Variants in CLIP1 observed in about 807,000 individuals in gnomAD.
The protein encoded by CLIP1 is CAP-Gly domain containing linker protein 1.
CLIP1 carries 66 observed loss-of-function variants against 161.6 expected under a neutral mutation model. The ratio of observed to expected loss-of-function variants is 0.41; its 90% CI spans 0.33 to 0.50. CLIP1 has a LOEUF of 0.50. Among genes scored for constraint, CLIP1 ranks in the 20% least tolerant of loss-of-function variants. The probability of loss-of-function intolerance (pLI) is 0.27; values close to 1 mark genes in which losing one functional copy is unlikely to be tolerated. For synonymous variants in CLIP1, 598 were observed against 626.2 expected (o/e 0.96, Z 0.67); for missense variants, 1,376 against 1,702.0 (o/e 0.81, Z 3.37).
At chr12:122,422,149 C>T (rs1015704215) in intron 1 of CLIP1, among the ~76,000 whole-genome samples, 8 of 152,152 alleles carry the variant, frequency 5.3e-5, no homozygotes, top group African/African-American at 1.7e-4. Flanking sequence ...GCCGATCCCA[C>T]ATCCGCCCCG....
chr12:122,290,188 T>C (rs184304378), intron 20 of CLIP1, among the ~76,000 whole-genome samples: 32 of 152,326 alleles, frequency 2.1e-4, no homozygotes, highest in African/African-American at 7.7e-4. Context: ...CATGCTTTGC[T>C]ATGAGGTCTT....
At chr12:122,305,465 T>A (rs1175519650) in intron 20 of CLIP1, among the ~76,000 whole-genome samples, 1 of 152,200 alleles carries the variant, frequency 6.6e-6, no homozygotes, top group African/African-American at 2.4e-5. Context: ...ATAGTTTCCA[T>A]TAATCTTAAA....
rs1211435384 is a variant in CLIP1, at chr12:122,354,461, C to T, written c.1299G>A (p.Glu433=). The part of the protein sequence containing the change: ...EKVELLNQLE[E]EKRKVEDLQF... ...AAACAGTCTGGGGTCACCTTTTCTC[C>T]TCTTCAAGCTGGTTGAGAAGCTCCA... is the stretch of plus-strand genomic sequence containing the variant. The change falls in exon 7 of 26, where the codon GAG becomes GAA. Residue 433 remains glutamate (E), a synonymous_variant. Transcript: ENST00000620786. 1.2e-6 allele frequency: 2 copies of T among 1,613,412 alleles called. No homozygotes were observed. Among genetic ancestry groups the T allele is most frequent in the South Asian group, 2.2e-5 (2 of 91,052 alleles).
At chr12:122,309,964 G>T in intron 19 of CLIP1, 82 bp from the exon 20 acceptor site, 1 of 1,507,882 alleles carries the variant, frequency 6.6e-7, no homozygotes, top group East Asian at 2.3e-5. Context: ...TCACAGCACT[G>T]AAGAAAATAT....
intron 12 of CLIP1, 58 bp from the exon 13 acceptor site, chr12:122,334,763 A>G (rs1056917957): frequency 9.1e-7 from 1 of 1,093,824 alleles, no homozygotes; most frequent in Non-Finnish European, 1.4e-6. Context: ...AAAGACAAGA[A>G]GTTTCTATCA....
intron 4 of CLIP1, 60 bp from the exon 5 acceptor site, chr12:122,361,241 T>C: frequency 7.2e-7 from 1 of 1,393,858 alleles, no homozygotes; most frequent in East Asian, 2.3e-5. Context: ...ATAATAACTA[T>C]AACCAAAAGG....
chr12:122,346,379 A>G (rs1952750175), intron 10 of CLIP1, among the ~76,000 whole-genome samples: 1 of 152,330 alleles, frequency 6.6e-6, no homozygotes, highest in Non-Finnish European at 1.5e-5. Flanking sequence ...GTGCTTTAAT[A>G]TATAAATAAA....
At chr12:122,345,867 C>T (rs1952723850) in intron 10 of CLIP1, among the ~76,000 whole-genome samples, 1 of 151,710 alleles carries the variant, frequency 6.6e-6, no homozygotes, top group Non-Finnish European at 1.5e-5. Context: ...CTCACCGCAA[C>T]CTCTGCCTCC....
chr12:122,281,705 C>T (rs1387358349), intron 21 of CLIP1, among the ~76,000 whole-genome samples: 1 of 151,406 alleles, frequency 6.6e-6, no homozygotes, highest in East Asian at 1.9e-4. Flanking sequence ...CAGAGCAAGA[C>T]CCCGTCTGAA....
At chr12:122,359,102 T>TA (rs1953651389) in intron 5 of CLIP1, among the ~76,000 whole-genome samples, 1 of 152,188 alleles carries the variant, frequency 6.6e-6, no homozygotes, top group African/African-American at 2.4e-5. Context: ...AAGAATGAAT[T>TA]AAATTTTTTT....
At chr12:122,285,638 CTT>C (rs35808337) in intron 21 of CLIP1, among the ~76,000 whole-genome samples, 30 of 136,016 alleles carry the variant, frequency 2.2e-4, no homozygotes, top group Non-Finnish European at 2.7e-4. Flanking sequence ...CGCACCCGAC[CTT>C]TTTTTTTTTT....
At position 122,311,809 on chromosome 12, in the gene CLIP1, T is replaced by G. The variant is rs959388329; in HGVS notation, c.3474-1927A>C. On this transcript the variant is annotated intron_variant, in intron 19 of 25. Coordinates refer to ENST00000620786, the MANE Select transcript of CLIP1 (RefSeq NM_001247997.2). The surrounding 1 kb of genome is among the most constrained non-coding windows in gnomAD (Gnocchi z 4.3). ...AGCCCAAGGAGGCTCATGTCATTTATGTTTTAATGAGAAGACTGAAGCTCC... is the reference window on the plus strand; with the variant it reads ...AGCCCAAGGAGGCTCATGTCATTTAGGTTTTAATGAGAAGACTGAAGCTCC... Among the ~76,000 whole-genome samples, 1 of 152,232 alleles carries G rather than the reference T, an allele frequency of 6.6e-6. No homozygotes were observed. The highest frequency in any genetic ancestry group is 2.4e-5 in the African/African-American group (1 of 41,468).
intron 13 of CLIP1, 95 bp downstream of exon 13, chr12:122,334,553 A>G (rs1332898850): frequency 1.3e-6 from 1 of 799,506 alleles, no homozygotes; most frequent in Non-Finnish European, 2.1e-6. Context: ...AAATTAGGCT[A>G]CGAGCAGTGT....
At chr12:122,360,893 G>A (rs763629246) in intron 5 of CLIP1, 66 bp downstream of exon 5, 8 of 1,305,248 alleles carry the variant, frequency 6.1e-6, no homozygotes, top group Admixed American at 2.3e-5. Flanking sequence ...AGCAAAGCAG[G>A]GGCACTGACC....
At chr12:122,334,505 C>A in intron 13 of CLIP1, 143 bp downstream of exon 13, 1 of 616,746 alleles carries the variant, frequency 1.6e-6, no homozygotes, top group Non-Finnish European at 2.8e-6. Context: ...CAATGGAAGC[C>A]AGTCTTTCTG....
At chr12:122,278,253 T>G in intron 23 of CLIP1, 50 bp from the exon 24 acceptor site, 6 of 1,461,134 alleles carry the variant, frequency 4.1e-6, no homozygotes, top group Non-Finnish European at 5.6e-6. Context: ...AGAATATATG[T>G]ATATTTTTAA....
chr12:122,392,356 G>T (rs1002945665), intron 1 of CLIP1, among the ~76,000 whole-genome samples: 2 of 152,080 alleles, frequency 1.3e-5, no homozygotes, highest in African/African-American at 4.8e-5. Flanking sequence ...ATAAAAATAT[G>T]CTTTCTGTAT....
chr12:122,396,768 TTTA>T, intron 1 of CLIP1: 1 of 150,410 alleles, frequency 6.6e-6, no homozygotes, highest in African/African-American at 2.5e-5. Flanking sequence ...TTTGTTGTTG[TTTA>T]TTTTTTTTTT....
intron 2 of CLIP1, 110 bp from the exon 3 acceptor site, chr12:122,378,070 T>TAG: frequency 1.1e-6 from 1 of 932,578 alleles, no homozygotes; most frequent in Non-Finnish European, 1.6e-6. Context: ...CCAGAACTCT[T>TAG]AGAAAGGTGT....
Sources: gnomAD v4.1 joint callset for allele counts (sites outside exome capture counted in the v4.1 genomes callset) on GRCh38, gnomAD v4.1.1 for gene constraint, Gnocchi (gnomAD v3.1) non-coding constraint, MANE v1.5 for transcripts, NCBI Gene and HGNC (gene_info 2026-07-23, HGNC 2026-07-21) for gene names.